The following TRAPPC9 variants were observed in gnomAD, a reference collection of about 807,000 sequenced individuals.
The protein encoded by TRAPPC9 is trafficking protein particle complex subunit 9.
In TRAPPC9, 83 loss-of-function variants were observed where a neutral mutation model predicts 124.0. The ratio of observed to expected loss-of-function variants is 0.67; its 90% CI spans 0.56 to 0.80. TRAPPC9 has a LOEUF of 0.80. Ranked by LOEUF, TRAPPC9 falls within the 30% of genes least tolerant of loss-of-function variation. The pLI, the probability that TRAPPC9 is intolerant of heterozygous loss-of-function variation, is 0.00. For missense variants in TRAPPC9, 1,302 were observed against 1,508.3 expected (o/e 0.86, Z 2.27); for synonymous variants, 638 against 617.5 (o/e 1.03, Z -0.49).
rs138010694 is a variant in TRAPPC9 at position 140,065,293 on chromosome 8, T to C, written c.2557-41214A>G. 1.2e-3 allele frequency among the ~76,000 whole-genome samples: 178 copies of C among 152,308 alleles called. No homozygotes were observed. In the Middle Eastern group the frequency reaches 0.017, roughly 15 times the overall value. ...GGTTGAAGGAAAGAAGTCATCTCCA[T>C]AACATAAAAGCGCAATGTGAAGTGG... On this transcript the variant is annotated intron_variant, in intron 17 of 22. Coordinates refer to ENST00000438773, the MANE Select transcript of TRAPPC9 (RefSeq NM_001160372.4).
intron 17 of TRAPPC9, among the ~76,000 whole-genome samples, chr8:140,128,986 TAC>T (rs1554629016): frequency 7.6e-6 from 1 of 131,090 alleles, no homozygotes; most frequent in African/African-American, 2.7e-5. Context: ...TATATATATA[TAC>T]ATATATATAT....
At chr8:140,412,500 A>G (rs1454011027) in intron 5 of TRAPPC9, among the ~76,000 whole-genome samples, 3 of 152,192 alleles carry the variant, frequency 2.0e-5, no homozygotes, top group African/African-American at 4.8e-5. Flanking sequence ...TCAACGTTAA[A>G]TTCTCTGATT....
chr8:139,899,464 A>T (rs909246068), intron 20 of TRAPPC9, among the ~76,000 whole-genome samples: 2 of 152,216 alleles, frequency 1.3e-5, no homozygotes, highest in African/African-American at 2.4e-5. Context: ...ACCATCCTTC[A>T]TCCTTATCTT....
At chr8:140,101,648 T>C (rs2060583983) in intron 17 of TRAPPC9, among the ~76,000 whole-genome samples, 1 of 146,458 alleles carries the variant, frequency 6.8e-6, no homozygotes, top group Non-Finnish European at 1.5e-5. Flanking sequence ...GTTCAAGCGA[T>C]TCTCCTGCCT....
At chr8:140,450,747 GATGCA>G (rs1206501122) in intron 2 of TRAPPC9, 38 bp downstream of exon 2, 4 of 1,470,700 alleles carry the variant, frequency 2.7e-6, no homozygotes, top group Non-Finnish European at 3.8e-6. Flanking sequence ...TTCCCTTTCT[GATGCA>G]GGGAAGCCAA....
chr8:139,732,999 C>A (rs1416499976), intron 21 of TRAPPC9, among the ~76,000 whole-genome samples: 1 of 151,142 alleles, frequency 6.6e-6, no homozygotes, highest in Non-Finnish European at 1.5e-5. Context: ...GGGGTGGGGG[C>A]GGAGAGAGTG....
intron 21 of TRAPPC9, among the ~76,000 whole-genome samples, chr8:139,807,401 G>A (rs1824142709): frequency 6.6e-6 from 1 of 152,202 alleles, no homozygotes; most frequent in Non-Finnish European, 1.5e-5. Context: ...GCCAGCAGAG[G>A]TGGCAGTTCT....
chr8:140,078,419 G>C (rs1195231486), intron 17 of TRAPPC9, among the ~76,000 whole-genome samples: 1 of 152,178 alleles, frequency 6.6e-6, no homozygotes, highest in East Asian at 1.9e-4. Flanking sequence ...AGGCAGGGAG[G>C]GTGGAGTGGC....
In TRAPPC9 at chr8:140,049,452, G is replaced by A. The variant is rs551312345; in HGVS notation, c.2557-25373C>T. 1.8e-4 allele frequency among the ~76,000 whole-genome samples: 28 copies of A among 152,122 alleles called. No homozygotes were observed. In the East Asian group the frequency reaches 1.9e-3, roughly 11 times the overall value. The stretch of plus-strand genomic sequence containing the variant: ...TCCTGTTCCTTCACTAGGGACCTGC[G>A]GAAGGCACACTGTGGACACTGCGGG... On this transcript the variant is annotated intron_variant, in intron 17 of 22. Transcript: ENST00000438773.
intron 9 of TRAPPC9, among the ~76,000 whole-genome samples, chr8:140,344,567 G>A (rs1048475784): frequency 2.0e-5 from 3 of 152,350 alleles, no homozygotes; most frequent in East Asian, 3.9e-4. Flanking sequence ...GAGAAGGGTG[G>A]GCGTTTGGCT....
intron 21 of TRAPPC9, among the ~76,000 whole-genome samples, chr8:139,846,735 G>A (rs943616741): frequency 6.6e-6 from 1 of 152,200 alleles, no homozygotes; most frequent in African/African-American, 2.4e-5. Context: ...GCATGGAGGA[G>A]GCCCATTCCC....
intron 19 of TRAPPC9, among the ~76,000 whole-genome samples, chr8:139,971,804 CATATATATATAT>C (rs1340223507): frequency 4.5e-4 from 1 of 2,200 alleles, no homozygotes; most frequent in African/African-American, 1.1e-3. Context: ...TATATATATA[CATATATATATAT>C]ACACACACAC....
At chr8:139,999,206 A>C (rs1421147546) in intron 18 of TRAPPC9, among the ~76,000 whole-genome samples, 2 of 152,124 alleles carry the variant, frequency 1.3e-5, no homozygotes, top group African/African-American at 4.8e-5. Context: ...AAAAAAAAAC[A>C]CTCAACTATA....
At chr8:139,975,694 G>A (rs998634985) in intron 19 of TRAPPC9, among the ~76,000 whole-genome samples, 2 of 151,944 alleles carry the variant, frequency 1.3e-5, no homozygotes, top group African/African-American at 2.4e-5. Flanking sequence ...CATTAGCACC[G>A]AGCATCAGCA....
chr8:139,853,843 G>A (rs935123138), intron 21 of TRAPPC9, among the ~76,000 whole-genome samples: 2 of 152,218 alleles, frequency 1.3e-5, no homozygotes, highest in African/African-American at 4.8e-5. Flanking sequence ...TACAAAGGAA[G>A]CGAAGGGCTC....
Position 140,282,954 on chromosome 8 carries a change from T to C in TRAPPC9, c.2114+935A>G, listed in dbSNP as rs1274478702. On this transcript the variant is annotated intron_variant, in intron 14 of 22. Coordinates refer to ENST00000438773, the MANE Select transcript of TRAPPC9 (RefSeq NM_001160372.4). The stretch of plus-strand genomic sequence containing the variant: ...AAAACTATTTCTTACAGGATAAGAG[T>C]TGGCTGAGCACGGTGGCTCACACCT... Among the ~76,000 whole-genome samples, 11 of 152,038 alleles carry C rather than the reference T, an allele frequency of 7.2e-5. No homozygotes were observed. The East Asian group carries it at 1.9e-3, about 27-fold the overall frequency.
intron 21 of TRAPPC9, among the ~76,000 whole-genome samples, chr8:139,882,432 C>T (rs1301112799): frequency 1.3e-5 from 2 of 152,178 alleles, no homozygotes; most frequent in African/African-American, 4.8e-5. Flanking sequence ...TGAAGAAGGC[C>T]TTTGCGTTCA....
intron 5 of TRAPPC9, among the ~76,000 whole-genome samples, chr8:140,415,655 G>T (rs903960847): frequency 1.3e-5 from 2 of 151,850 alleles, no homozygotes; most frequent in African/African-American, 2.4e-5. Flanking sequence ...AGGGCAATTT[G>T]TAGCTATAAA....
At chr8:140,166,420 C>T (rs769522174) in intron 17 of TRAPPC9, among the ~76,000 whole-genome samples, 17 of 152,194 alleles carry the variant, frequency 1.1e-4, no homozygotes, top group African/African-American at 1.7e-4. Flanking sequence ...CACCCAGGGT[C>T]GGGACCGGAG....
Sources: allele counts gnomAD v4.1 joint callset (sites outside exome capture counted in the v4.1 genomes callset), GRCh38; gene constraint gnomAD v4.1.1; transcripts MANE v1.5; gene names NCBI Gene and HGNC (gene_info 2026-07-23, HGNC 2026-07-21).